KIF1B: variants seen among roughly 807,000 people sequenced by gnomAD.
KIF1B encodes the protein kinesin-like protein KIF1B.
Under a neutral mutation model 241.9 loss-of-function variants are expected in KIF1B, and 76 were observed. That is an observed-to-expected ratio of 0.31 (90% confidence interval 0.26 to 0.38). The LOEUF (loss-of-function observed/expected upper bound fraction) is 0.38. Among genes scored for constraint, KIF1B ranks in the 10% least tolerant of loss-of-function variants. The probability of loss-of-function intolerance (pLI) is 1.00; values close to 1 mark genes in which losing one functional copy is unlikely to be tolerated. For synonymous variants in KIF1B, 750 were observed against 796.7 expected, an observed-to-expected ratio of 0.94 and a Z score of 0.99; for missense variants, 1,622 against 2,271.4, an observed-to-expected ratio of 0.71 and a Z score of 5.81.
chr1:10,304,511 T>A, intron 22 of KIF1B: 1 of 1,613,368 alleles, frequency 6.2e-7, no homozygotes, highest in Non-Finnish European at 8.5e-7. Context: ...GGAGGTCAGT[T>A]AGAGGGCAAT....
Position 10,374,412 on chromosome 1 carries a change from A to G in KIF1B, c.5043A>G (p.Ala1681=). The change falls in exon 46 of 49, where the codon GCA becomes GCG. Residue 1681 remains alanine (A), a synonymous_variant. Transcript: ENST00000676179. This position sits in a 1 kb window ranked among gnomAD's most constrained non-coding sequence, Gnocchi z 4.3. The part of the protein sequence containing the change: ...PAVETPYLAR[A]GKNEFLNLVP... ...TGGAAACACCATATTTGGCCCGAGCAGGAAAAAACGAATTTCTCAATCTTG... is the reference window on the plus strand; with the variant it reads ...TGGAAACACCATATTTGGCCCGAGCGGGAAAAAACGAATTTCTCAATCTTG... 6.2e-7 allele frequency: 1 copy of G among 1,614,268 alleles called. No individual in the cohort carries two copies. Among genetic ancestry groups the G allele is most frequent in the Non-Finnish European group, 8.5e-7 (1 of 1,180,052 alleles).
At chr1:10,371,499 A>T (rs1323429911) in intron 45 of KIF1B, among the ~76,000 whole-genome samples, 1 of 152,208 alleles carries the variant, frequency 6.6e-6, no homozygotes, top group Non-Finnish European at 1.5e-5. Flanking sequence ...TGTCTTCTTC[A>T]TCCCTTTCTG....
chr1:10,360,238 G>GTCAT (rs1638380680), intron 38 of KIF1B, among the ~76,000 whole-genome samples: 1 of 152,094 alleles, frequency 6.6e-6, no homozygotes, highest in African/African-American at 2.4e-5. Flanking sequence ...ACTTCCTGCT[G>GTCAT]TCATCATTAA....
chr1:10,349,434 C>CAAA (rs35456826), intron 37 of KIF1B, among the ~76,000 whole-genome samples: 1 of 141,954 alleles, frequency 7.0e-6, no homozygotes, highest in South Asian at 2.2e-4. Context: ...GACTCCGTCT[C>CAAA]AAAAAAAAAA....
At chr1:10,211,731 C>G (rs1646696303) in intron 1 of KIF1B, 2 of 151,238 alleles carry the variant, frequency 1.3e-5, no homozygotes, top group Admixed American at 1.3e-4. Context: ...GCTAAATGAG[C>G]TTCCAAGGTA....
chr1:10,323,163 A>G (rs947550855), intron 24 of KIF1B, among the ~76,000 whole-genome samples: 1 of 152,144 alleles, frequency 6.6e-6, no homozygotes, highest in African/African-American at 2.4e-5. Context: ...TGCCCAGCCA[A>G]ATAAATGCTT....
At position 10,273,001 on chromosome 1, in the gene KIF1B, C is replaced by A. The variant is rs1648884919; in HGVS notation, c.865-13C>A. 1 of 1,543,678 alleles carries A rather than the reference C, an allele frequency of 6.5e-7. No homozygotes were observed. The highest frequency in any genetic ancestry group is 1.4e-5 in the African/African-American group (1 of 73,004). ...GTGTTCTTATTTTCTCCTTTAAATG[C>A]TTTCACCTGTAGGATAACTGCACTA... On this transcript the variant is annotated splice_polypyrimidine_tract_variant and intron_variant, in intron 9 of 48. Coordinates refer to ENST00000676179, the MANE Select transcript of KIF1B (RefSeq NM_001365951.3).
At chr1:10,317,792 C>G (rs1331174967) in intron 22 of KIF1B, among the ~76,000 whole-genome samples, 2 of 149,174 alleles carry the variant, frequency 1.3e-5, no homozygotes, top group Admixed American at 6.7e-5. Flanking sequence ...GATCGCATCA[C>G]TGCACTCCAA....
intron 1 of KIF1B, among the ~76,000 whole-genome samples, chr1:10,212,923 T>C (rs1007997228): frequency 0.054 from 6,488 of 119,612 alleles, 245 homozygotes; most frequent in Middle Eastern, 0.073. Flanking sequence ...TATATATATA[T>C]ATATATATAC....
chr1:10,273,368 A>G (rs1648905398), intron 10 of KIF1B, among the ~76,000 whole-genome samples: 1 of 152,222 alleles, frequency 6.6e-6, no homozygotes, highest in African/African-American at 2.4e-5. Context: ...AGTCTGGCCA[A>G]CATGGTGAAA....
chr1:10,297,749 C>T (rs1191420142), intron 22 of KIF1B, among the ~76,000 whole-genome samples: 1 of 151,754 alleles, frequency 6.6e-6, no homozygotes, highest in East Asian at 1.9e-4. Context: ...TGCACAGTTG[C>T]ATGTGTTACT....
At chr1:10,375,431 C>G (rs963723357) in intron 48 of KIF1B, 58 bp downstream of exon 48, 13 of 1,444,592 alleles carry the variant, frequency 9.0e-6, no homozygotes, top group Non-Finnish European at 1.3e-5. Flanking sequence ...CTTTTTCTCC[C>G]TGAAGTGCAG....
chr1:10,284,113 C>T (rs922334938), intron 15 of KIF1B, among the ~76,000 whole-genome samples: 1 of 152,160 alleles, frequency 6.6e-6, no homozygotes, highest in Non-Finnish European at 1.5e-5. Flanking sequence ...GTGGCTCACA[C>T]CTGTAAACCC....
At chr1:10,300,808 G>A (rs1171781388) in intron 22 of KIF1B, among the ~76,000 whole-genome samples, 3 of 152,070 alleles carry the variant, frequency 2.0e-5, no homozygotes, top group Non-Finnish European at 2.9e-5. Context: ...TAGCCATTAT[G>A]ATTTTAAAAA....
At chr1:10,327,002 T>A (rs1271016254) in intron 27 of KIF1B, among the ~76,000 whole-genome samples, 1 of 152,148 alleles carries the variant, frequency 6.6e-6, no homozygotes, top group East Asian at 1.9e-4. Flanking sequence ...TTTTAACCTA[T>A]AGGGTTTATA....
At chr1:10,221,548 T>C (rs1646845380) in intron 1 of KIF1B, among the ~76,000 whole-genome samples, 1 of 152,164 alleles carries the variant, frequency 6.6e-6, no homozygotes, top group South Asian at 2.1e-4. Context: ...TTTATCAGTA[T>C]ATCCATTGTC....
In KIF1B at chr1:10,378,518, C is replaced by A; in HGVS notation, c.*1931C>A. On this transcript the variant is annotated 3_prime_UTR_variant, in exon 49 of 49. Transcript: ENST00000676179. Reference sequence around the variant, plus strand: ...TTCCCTTGCTCAGACCTCTCTGTTTCACCATTGCTCAGGCATTCAGGAAAG... The same window carrying A: ...TTCCCTTGCTCAGACCTCTCTGTTTAACCATTGCTCAGGCATTCAGGAAAG... 1 of 701,592 alleles carries A rather than the reference C, an allele frequency of 1.4e-6. No individual in the cohort carries two copies. 43.5% of individuals were successfully genotyped at this position (701,592 alleles called of 1,614,324 possible). A position where few individuals can be genotyped will look rare whatever the true frequency, so the allele number is the denominator to read the frequency against.
At chr1:10,223,112 TGTG>T (rs1282010347) in intron 1 of KIF1B, among the ~76,000 whole-genome samples, 1 of 148,602 alleles carries the variant, frequency 6.7e-6, no homozygotes, top group African/African-American at 2.5e-5. Flanking sequence ...ATTAGCCAGG[TGTG>T]GTGGCACGCA....
At chr1:10,347,971 T>C (rs1557728905) in intron 36 of KIF1B, 144 bp downstream of exon 36, 1 of 656,828 alleles carries the variant, frequency 1.5e-6, no homozygotes. Context: ...TTTTTTTTTT[T>C]CTGTGTCTGT....
Sources: allele counts gnomAD v4.1 joint callset (sites outside exome capture counted in the v4.1 genomes callset), GRCh38; gene constraint gnomAD v4.1.1; non-coding constraint Gnocchi (gnomAD v3.1); transcripts MANE v1.5; gene names NCBI Gene and HGNC (gene_info 2026-07-23, HGNC 2026-07-21).